The following PLEKHA2 variants were observed in gnomAD, a reference collection of about 807,000 sequenced individuals.
PLEKHA2 encodes pleckstrin homology domain-containing family A member 2.
A neutral mutation model predicts 53.2 loss-of-function variants in PLEKHA2; 28 were observed. That is an observed-to-expected ratio of 0.53 (90% CI 0.39 to 0.72). The LOEUF is 0.72. PLEKHA2 is among the 30% of genes least tolerant of loss of function. The probability of loss-of-function intolerance (pLI) is 0.00; values close to 1 mark genes in which losing one functional copy is unlikely to be tolerated. For missense variants in PLEKHA2, 426 were observed against 537.9 expected (o/e 0.79, Z 2.06); for synonymous variants, 193 against 196.4 (o/e 0.98, Z 0.14).
chr8:38,906,863 G>GA (rs1213902069), intron 1 of PLEKHA2, among the ~76,000 whole-genome samples: 1 of 152,174 alleles, frequency 6.6e-6, no homozygotes, highest in Non-Finnish European at 1.5e-5. Context: ...GAACATATAT[G>GA]AACTCTGTTG....
chr8:38,938,746 C>T (rs1429041215), intron 3 of PLEKHA2, among the ~76,000 whole-genome samples: 1 of 152,178 alleles, frequency 6.6e-6, no homozygotes, highest in Non-Finnish European at 1.5e-5. Context: ...CTGCTGTGGC[C>T]ACCTCGGCTG....
At chr8:38,901,476 T>G (rs1319998105) in intron 1 of PLEKHA2, 31 bp downstream of exon 1, 5 of 146,862 alleles carry the variant, frequency 3.4e-5, no homozygotes, top group East Asian at 2.1e-4. Context: ...GGCTCGGGAG[T>G]GGAGAGGCGC....
chr8:38,926,545 T>C (rs1442650687), intron 2 of PLEKHA2, among the ~76,000 whole-genome samples: 1 of 152,230 alleles, frequency 6.6e-6, no homozygotes, highest in African/African-American at 2.4e-5. Context: ...AATTAGAAAC[T>C]GCAATTTTGC....
intron 1 of PLEKHA2, among the ~76,000 whole-genome samples, chr8:38,913,775 CT>C (rs1462502754): frequency 6.6e-6 from 1 of 152,226 alleles, no homozygotes; most frequent in Non-Finnish European, 1.5e-5. Flanking sequence ...GACCACTCCC[CT>C]TGCTGCCTTT....
intron 5 of PLEKHA2, among the ~76,000 whole-genome samples, chr8:38,948,290 A>G (rs1012961017): frequency 6.6e-6 from 1 of 152,192 alleles, no homozygotes; most frequent in African/African-American, 2.4e-5. Flanking sequence ...AGGTCGTGAC[A>G]TGCAGCAACA....
chr8:38,948,751 C>G (rs539340403), intron 5 of PLEKHA2, among the ~76,000 whole-genome samples: 1 of 152,160 alleles, frequency 6.6e-6, no homozygotes, highest in Admixed American at 6.5e-5. Flanking sequence ...GCTTTTCTCT[C>G]GAAGTCCCGG....
At chr8:38,946,424 AG>A (rs1411500537) in intron 5 of PLEKHA2, among the ~76,000 whole-genome samples, 4 of 152,220 alleles carry the variant, frequency 2.6e-5, no homozygotes, top group African/African-American at 9.6e-5. Flanking sequence ...ATCAAGTTCA[AG>A]GGGAAGTTCA....
At chr8:38,941,173 C>T (rs1025975807) in intron 3 of PLEKHA2, among the ~76,000 whole-genome samples, 3 of 152,044 alleles carry the variant, frequency 2.0e-5, no homozygotes, top group South Asian at 2.1e-4. Flanking sequence ...TCTCCTGCCT[C>T]GGCCTCCCAA....
At chr8:38,911,283 C>T (rs62504361) in intron 1 of PLEKHA2, among the ~76,000 whole-genome samples, 43 of 151,778 alleles carry the variant, frequency 2.8e-4, no homozygotes, top group Admixed American at 1.6e-3. Context: ...GTCACCCAGG[C>T]TGGGGTGCAG....
At chr8:38,936,244 T>C (rs1834492734) in intron 3 of PLEKHA2, among the ~76,000 whole-genome samples, 194 bp downstream of exon 3, 1 of 152,148 alleles carries the variant, frequency 6.6e-6, no homozygotes, top group Non-Finnish European at 1.5e-5. Context: ...TGGTTCCAAG[T>C]TGTTGGAGGG....
At chr8:38,931,881 G>A (rs970325654) in intron 2 of PLEKHA2, among the ~76,000 whole-genome samples, 3 of 152,126 alleles carry the variant, frequency 2.0e-5, no homozygotes, top group Non-Finnish European at 2.9e-5. Flanking sequence ...TTGAGGGATC[G>A]CGTGGGAGCA....
At chr8:38,966,881 G>A (rs1236642799) in intron 10 of PLEKHA2, among the ~76,000 whole-genome samples, 4 of 151,720 alleles carry the variant, frequency 2.6e-5, no homozygotes, top group African/African-American at 2.4e-5. Context: ...GGCTTTTGCT[G>A]TAACCATCAC....
chr8:38,938,814 C>T (rs570827900), intron 3 of PLEKHA2, among the ~76,000 whole-genome samples: 3 of 152,312 alleles, frequency 2.0e-5, no homozygotes, highest in South Asian at 2.1e-4. Context: ...TGACCTCACC[C>T]GCCTGCAGCC....
intron 6 of PLEKHA2, 104 bp downstream of exon 6, chr8:38,951,094 A>T (rs10088613): frequency 7.7e-6 from 3 of 391,656 alleles, no homozygotes; most frequent in Non-Finnish European, 7.8e-6. Context: ...GGAGGGTGGG[A>T]GTGGGGGGCA....
chr8:38,962,702 A>G (rs1266560548), intron 10 of PLEKHA2, among the ~76,000 whole-genome samples: 1 of 152,242 alleles, frequency 6.6e-6, no homozygotes, highest in African/African-American at 2.4e-5. Context: ...CAAGAGGGAA[A>G]TTAGTTATTC....
intron 2 of PLEKHA2, among the ~76,000 whole-genome samples, chr8:38,927,320 AC>A (rs1301028959): frequency 1.3e-5 from 2 of 151,980 alleles, no homozygotes; most frequent in Admixed American, 1.3e-4. Flanking sequence ...ACATAGGAAG[AC>A]CCCATCTCTA....
intron 1 of PLEKHA2, among the ~76,000 whole-genome samples, chr8:38,910,147 A>G (rs1833935275): frequency 6.6e-6 from 1 of 151,970 alleles, no homozygotes; most frequent in Non-Finnish European, 1.5e-5. Flanking sequence ...GGTACAGATG[A>G]GGTTTTGCCA....
At chr8:38,913,462 G>A (rs1231842905) in intron 1 of PLEKHA2, among the ~76,000 whole-genome samples, 1 of 152,086 alleles carries the variant, frequency 6.6e-6, no homozygotes, top group Non-Finnish European at 1.5e-5. Flanking sequence ...ACCTTGCTTA[G>A]CGATTGAGCC....
intron 1 of PLEKHA2, among the ~76,000 whole-genome samples, chr8:38,909,445 A>C (rs548380088): frequency 9.7e-6 from 1 of 103,030 alleles, no homozygotes; most frequent in Non-Finnish European, 2.0e-5. Flanking sequence ...TTAAGCAGTG[A>C]TCTTTCCCTT....
Sources: gnomAD v4.1 joint callset for allele counts (sites outside exome capture counted in the v4.1 genomes callset) on GRCh38, gnomAD v4.1.1 for gene constraint, MANE v1.5 for transcripts, NCBI Gene and HGNC (gene_info 2026-07-23, HGNC 2026-07-21) for gene names.